Variants in PRSS57 observed in about 807,000 individuals in gnomAD.
The protein encoded by PRSS57 is serine protease 57.
In PRSS57, 19 loss-of-function variants were observed where a neutral mutation model predicts 20.6. That is an observed-to-expected ratio of 0.92 (90% CI 0.64 to 1.35). The LOEUF is 1.35. Among genes scored for constraint, PRSS57 ranks in the 40% most tolerant of loss-of-function variants. The pLI is 0.00. For missense variants in PRSS57, 440 were observed against 403.7 expected (o/e 1.09, Z -0.77); for synonymous variants, 203 against 176.6 (o/e 1.15, Z -1.19).
rs374350872 is a variant in PRSS57, at chr19:686,908, C to G, written c.642+17G>C. 4 of 1,607,710 alleles carry G rather than the reference C, an allele frequency of 2.5e-6. No individual in the cohort carries two copies. The highest frequency in any genetic ancestry group is 3.4e-6 in the Non-Finnish European group (4 of 1,176,088). The stretch of plus-strand genomic sequence containing the variant: ...TTCCCCACACAGTAAGTGGGTGGAG[C>G]AGGGAGGGGATCTTACCGAGCAGAA... On this transcript the variant is annotated intron_variant, in intron 4 of 4. Coordinates refer to ENST00000329267, the MANE Select transcript of PRSS57 (RefSeq NM_001308209.2).
chr19:690,829 C>T (rs59112899), intron 3 of PRSS57: 3,752 of 338,774 alleles, frequency 0.011, 151 homozygotes, highest in African/African-American at 0.076. Context: ...GGAACAAGAT[C>T]GGCAAGCCCT....
At chr19:685,948 A>G in intron 4 of PRSS57, 26 bp from the exon 5 acceptor site, 2 of 1,514,508 alleles carry the variant, frequency 1.3e-6, no homozygotes, top group East Asian at 2.5e-5. Flanking sequence ...AGGTGAGGTC[A>G]GGGCCTCTGG....
Position 685,660 on chromosome 19 carries a change from A to C in PRSS57, c.*56T>G, listed in dbSNP as rs2031449040. 6.9e-7 allele frequency: 1 copy of C among 1,446,714 alleles called. No individual in the cohort carries two copies. Among genetic ancestry groups the C allele is most frequent in the Non-Finnish European group, 9.2e-7 (1 of 1,082,242 alleles). The allele number at this position is 1,446,714 out of a possible 1,614,324, so 89.6% of individuals were successfully genotyped here. On this transcript the variant is annotated 3_prime_UTR_variant, in exon 5 of 5. Coordinates refer to ENST00000329267, the MANE Select transcript of PRSS57 (RefSeq NM_001308209.2). ...ATCAGGCTTCCCGTGGGGCCCAGCC[A>C]CGGAACATTCCAGGCCTGGAGCGGC...
rs1285438109 is a variant in PRSS57 at position 692,470 on chromosome 19, G to A, written c.234-468C>T. 3.6e-5 allele frequency among the ~76,000 whole-genome samples: 5 copies of A among 140,022 alleles called. 1 individual carries two copies. The Admixed American group carries it at 3.7e-4, about 10-fold the overall frequency. 91.9% of individuals were successfully genotyped at this position (140,022 alleles called of 152,430 possible). On this transcript the variant is annotated intron_variant, in intron 2 of 4. Coordinates refer to ENST00000329267, the MANE Select transcript of PRSS57 (RefSeq NM_001308209.2). ...GACAGAGTCTCACTCTGTCCCCTAG[G>A]CTAGAGTGCAATCGAGGCTTACTGC...
intron 1 of PRSS57, among the ~76,000 whole-genome samples, 163 bp downstream of exon 1, chr19:695,189 G>C (rs111243759): frequency 6.6e-6 from 1 of 152,120 alleles, no homozygotes; most frequent in Non-Finnish European, 1.5e-5. Flanking sequence ...CAGAGACCCC[G>C]GCCGGATTTC....
rs187472687 is a variant in PRSS57, at chr19:695,153, C to T, written c.80-186G>A. On this transcript the variant is annotated intron_variant, in intron 1 of 4. Transcript: ENST00000329267. ...AGATGCGCTGGGAGGGGCTCCCGAG[C>T]CCGGGAGATCCAGGGCTGGGCTGGG... 2.6e-3 allele frequency among the ~76,000 whole-genome samples: 390 copies of T among 152,252 alleles called. 4 individuals carry two copies. Among genetic ancestry groups the T allele is most frequent in the African/African-American group, 8.5e-3 (352 of 41,566 alleles).
intron 1 of PRSS57, 103 bp from the exon 2 acceptor site, chr19:695,070 G>A (rs1267845610): frequency 9.5e-6 from 11 of 1,155,744 alleles, no homozygotes; most frequent in South Asian, 5.3e-5. Flanking sequence ...GAGACAGGGG[G>A]TGAGATTAGA....
chr19:685,676 C>T lies in PRSS57; in HGVS notation c.*40G>A. 6.7e-7 allele frequency: 1 copy of T among 1,481,662 alleles called. No individual in the cohort carries two copies. Among genetic ancestry groups the T allele is most frequent in the East Asian group, 2.5e-5 (1 of 39,950 alleles). The allele number at this position is 1,481,662 out of a possible 1,614,324, so 91.8% of individuals were successfully genotyped here. A position where few individuals can be genotyped will look rare whatever the true frequency, so the allele number is the denominator to read the frequency against. The stretch of plus-strand genomic sequence containing the variant: ...GGCCCAGCCACGGAACATTCCAGGC[C>T]TGGAGCGGCCATCTCATTTGCATGC... On this transcript the variant is annotated 3_prime_UTR_variant, in exon 5 of 5. Transcript: ENST00000329267.
rs1370521034 is a variant in PRSS57 at position 694,840 on chromosome 19, G to A, written c.207C>T (p.Val69=). The A allele has an allele frequency of 1.2e-6, 2 of 1,607,598 alleles. No homozygotes were observed. Among genetic ancestry groups the A allele is most frequent in the East Asian group, 2.3e-5 (1 of 44,398 alleles). ...TGTGGCTGAAGCAGTGGGCGGCCGA[G>A]ACCACCCAGCGGGCTCGCAGCAGGA... ...GGFLLRARWV[V]SAAHCFSHRD... The change falls in exon 2 of 5, where the codon GTC becomes GTT. Residue 69 remains valine, a synonymous_variant. Transcript: ENST00000329267.
intron 4 of PRSS57, 80 bp from the exon 5 acceptor site, chr19:686,002 AACCC>A: frequency 7.9e-7 from 1 of 1,268,870 alleles, no homozygotes; most frequent in Non-Finnish European, 1.1e-6. Flanking sequence ...CCTGCCTCAG[AACCC>A]TCTGTGGCTC....
intron 4 of PRSS57, among the ~76,000 whole-genome samples, 191 bp downstream of exon 4, chr19:686,734 G>A (rs1052348807): frequency 2.0e-5 from 3 of 152,074 alleles, no homozygotes; most frequent in Non-Finnish European, 2.9e-5. Context: ...TGTGCAGTGC[G>A]CAACCTGCAC....
intron 2 of PRSS57, among the ~76,000 whole-genome samples, chr19:694,208 G>T (rs1599120228): frequency 6.6e-6 from 1 of 152,048 alleles, no homozygotes; most frequent in East Asian, 1.9e-4. Flanking sequence ...CCTGGTGGGG[G>T]CTCCTGCAGG....
Position 685,615 on chromosome 19 carries a change from G to T in PRSS57, c.*101C>A. 8.4e-7 allele frequency: 1 copy of T among 1,192,148 alleles called. No homozygotes were observed. Among genetic ancestry groups the T allele is most frequent in the Non-Finnish European group, 1.2e-6 (1 of 867,690 alleles). 73.8% of individuals were successfully genotyped at this position (1,192,148 alleles called of 1,614,324 possible). A position where few individuals can be genotyped will look rare whatever the true frequency, so the allele number is the denominator to read the frequency against. ...GAATGGGTGTGCCCCACCGCTGCCC[G>T]TCCCACCCCAACCCTGAACATCAGG... On this transcript the variant is annotated 3_prime_UTR_variant, in exon 5 of 5. Coordinates refer to ENST00000329267, the MANE Select transcript of PRSS57 (RefSeq NM_001308209.2).
In PRSS57 at chr19:689,222, G is replaced by A. The variant is rs565722023; in HGVS notation, c.379-2034C>T. On this transcript the variant is annotated intron_variant, in intron 3 of 4. Transcript: ENST00000329267. ...GGTCCACAGGTTAGCAGGTGACGAC[G>A]GGGTGGTCCAGGGGTTAGCAGGAGA... 7.8e-5 allele frequency among the ~76,000 whole-genome samples: 6 copies of A among 77,196 alleles called. No homozygotes were observed. The South Asian group carries it at 2.3e-3, about 29-fold the overall frequency. The allele number at this position is 77,196 out of a possible 152,430, so 50.6% of individuals were successfully genotyped here.
intron 3 of PRSS57, among the ~76,000 whole-genome samples, chr19:687,445 G>A (rs949108302): frequency 2.6e-5 from 4 of 151,924 alleles, no homozygotes; most frequent in Admixed American, 6.6e-5. Context: ...TCGCTCTGTC[G>A]CCCAGGCTGG....
intron 3 of PRSS57, among the ~76,000 whole-genome samples, chr19:689,606 T>A (rs1230432588): frequency 6.6e-6 from 1 of 152,104 alleles, no homozygotes; most frequent in Admixed American, 6.6e-5. Flanking sequence ...GAATGGGACC[T>A]GACGTCCAAC....
intron 3 of PRSS57, chr19:690,716 G>A (rs1448125096): frequency 1.8e-5 from 6 of 334,828 alleles, no homozygotes; most frequent in East Asian, 7.4e-5. Context: ...CAATGGCCAC[G>A]TCGGTCTGGG....
intron 2 of PRSS57, among the ~76,000 whole-genome samples, chr19:693,778 C>T (rs981253585): frequency 2.7e-4 from 41 of 152,028 alleles, no homozygotes; most frequent in Admixed American, 4.6e-4. Context: ...CTCGCTCTGT[C>T]CCCCAGGCTG....
At chr19:691,654 T>C (rs542067683) in intron 3 of PRSS57, among the ~76,000 whole-genome samples, 2 of 151,182 alleles carry the variant, frequency 1.3e-5, no homozygotes, top group Non-Finnish European at 2.9e-5. Context: ...ACCCCGTCTC[T>C]ACTAAAATAC....
Sources: allele counts gnomAD v4.1 joint callset (sites outside exome capture counted in the v4.1 genomes callset), GRCh38; gene constraint gnomAD v4.1.1; transcripts MANE v1.5; gene names NCBI Gene and HGNC (gene_info 2026-07-23, HGNC 2026-07-21).